Variants in BCL2 observed in about 807,000 individuals in gnomAD.
BCL2 encodes the protein apoptosis regulator Bcl-2.
BCL2 carries 1 observed loss-of-function variant against 14.2 expected under a neutral mutation model. That is an observed-to-expected ratio of 0.07 (90% confidence interval 0.02 to 0.33). The LOEUF is 0.33. Ranked by LOEUF, BCL2 falls within the 10% of genes least tolerant of loss-of-function variation. BCL2 has a pLI of 0.99. For synonymous variants in BCL2, 151 were observed against 137.2 expected, an observed-to-expected ratio of 1.10 and a Z score of -0.70; for missense variants, 247 against 305.9, an observed-to-expected ratio of 0.81 and a Z score of 1.44.
At chr18:63,169,163 T>C (rs566707784) in intron 2 of BCL2, among the ~76,000 whole-genome samples, 2 of 152,332 alleles carry the variant, frequency 1.3e-5, no homozygotes, top group Non-Finnish European at 2.9e-5. Flanking sequence ...ATCGATTCCA[T>C]GGAGGGCTTC....
At chr18:63,314,215 C>CT (rs1314344252) in intron 2 of BCL2, 2 of 152,198 alleles carry the variant, frequency 1.3e-5, no homozygotes, top group African/African-American at 4.8e-5. Flanking sequence ...AAGACTAGAT[C>CT]ATCTTCAAGC....
chr18:63,215,086 T>A (rs1910162235), intron 2 of BCL2, among the ~76,000 whole-genome samples: 1 of 152,204 alleles, frequency 6.6e-6, no homozygotes, highest in Non-Finnish European at 1.5e-5. Context: ...TAATGAATTC[T>A]CTTTTATATA....
chr18:63,173,517 G>A (rs6567327), intron 2 of BCL2, among the ~76,000 whole-genome samples: 44,655 of 152,062 alleles, frequency 0.29, 8,980 homozygotes, highest in African/African-American at 0.54. Flanking sequence ...AGCAGAATTC[G>A]GAAAGCGGAT....
intron 2 of BCL2, among the ~76,000 whole-genome samples, chr18:63,134,487 T>C (rs1914158016): frequency 6.6e-6 from 1 of 152,166 alleles, no homozygotes; most frequent in South Asian, 2.1e-4. Flanking sequence ...CTCAGACCAA[T>C]GCCTGCAATA....
chr18:63,205,697 A>G (rs1192561230), intron 2 of BCL2, among the ~76,000 whole-genome samples: 1 of 152,154 alleles, frequency 6.6e-6, no homozygotes, highest in African/African-American at 2.4e-5. Context: ...GGTCTAGAAA[A>G]AGAAAAGAAG....
Position 63,318,750 on chromosome 18 carries a change from T to C in BCL2, c.-84A>G. 1.3e-6 allele frequency: 2 copies of C among 1,569,504 alleles called. No individual in the cohort carries two copies. The highest frequency in any genetic ancestry group is 1.2e-5 in the South Asian group (1 of 86,808). On this transcript the variant is annotated 5_prime_UTR_variant, in exon 2 of 3. The change abolishes the stop of an existing upstream ORF in the 5' untranslated region. Transcript: ENST00000333681. The surrounding 1 kb of genome is among the most constrained non-coding windows in gnomAD (Gnocchi z 7.4). ...ACGGCCCCCAGAGAAAGAAGAGGAG[T>C]TATAATCCAGCTATTTTATTGGATG...
chr18:63,124,011 A>T lies in BCL2; in HGVS notation c.*4614T>A, dbSNP rs1913845100. Reference sequence around the variant, plus strand: ...GCAGAACAACCTTGTTGTTGATAGGATGTTTGCTTGAAGTTATTTTTCTGG... The same window carrying T: ...GCAGAACAACCTTGTTGTTGATAGGTTGTTTGCTTGAAGTTATTTTTCTGG... On this transcript the variant is annotated 3_prime_UTR_variant, in exon 3 of 3. Coordinates refer to ENST00000333681, the MANE Select transcript of BCL2 (RefSeq NM_000633.3). 1 of 221,262 alleles carries T rather than the reference A, an allele frequency of 4.5e-6. No individual in the cohort carries two copies. Among genetic ancestry groups the T allele is most frequent in the Non-Finnish European group, 9.0e-6 (1 of 110,756 alleles). The allele number at this position is 221,262 out of a possible 1,614,324, so 13.7% of individuals were successfully genotyped here.
chr18:63,212,670 T>A (rs1910069734), intron 2 of BCL2, among the ~76,000 whole-genome samples: 1 of 151,128 alleles, frequency 6.6e-6, no homozygotes, highest in Non-Finnish European at 1.5e-5. Flanking sequence ...AGGTCAGGAG[T>A]TCGAGAGCAG....
chr18:63,272,829 C>G (rs1034575000), intron 2 of BCL2, among the ~76,000 whole-genome samples: 4 of 152,180 alleles, frequency 2.6e-5, no homozygotes, highest in African/African-American at 7.2e-5. Flanking sequence ...CAATTCCCTT[C>G]TCTATCTGAG....
intron 2 of BCL2, among the ~76,000 whole-genome samples, chr18:63,157,064 A>G (rs540775681): frequency 6.6e-6 from 1 of 152,336 alleles, no homozygotes; most frequent in East Asian, 1.9e-4. Context: ...GCACAAATAA[A>G]CAATTAAGTT....
intron 2 of BCL2, among the ~76,000 whole-genome samples, chr18:63,289,549 A>C (rs1322679034): frequency 6.6e-6 from 1 of 152,100 alleles, no homozygotes; most frequent in Non-Finnish European, 1.5e-5. Flanking sequence ...AGATGGAGAG[A>C]GGAATTTGAA....
At chr18:63,185,708 C>T (rs1341560288) in intron 2 of BCL2, among the ~76,000 whole-genome samples, 1 of 152,194 alleles carries the variant, frequency 6.6e-6, no homozygotes, top group Non-Finnish European at 1.5e-5. Context: ...ATTATTTCGG[C>T]TTCACAACCC....
chr18:63,138,239 A>C (rs984561572), intron 2 of BCL2, among the ~76,000 whole-genome samples: 1 of 152,200 alleles, frequency 6.6e-6, no homozygotes, highest in Non-Finnish European at 1.5e-5. Context: ...GAGCACACGC[A>C]AGGAAGTGAG....
chr18:63,150,901 A>AT (rs1031295702), intron 2 of BCL2, among the ~76,000 whole-genome samples: 1 of 151,802 alleles, frequency 6.6e-6, no homozygotes, highest in African/African-American at 2.4e-5. Context: ...CTCCTGTCAT[A>AT]TTTTTCCTAG....
chr18:63,217,922 A>G (rs1001374472), intron 2 of BCL2, among the ~76,000 whole-genome samples: 1 of 152,214 alleles, frequency 6.6e-6, no homozygotes, highest in African/African-American at 2.4e-5. Flanking sequence ...TCCTTGTACT[A>G]CGAAGATGTG....
intron 2 of BCL2, among the ~76,000 whole-genome samples, chr18:63,178,106 T>C (rs755624489): frequency 2.0e-5 from 3 of 152,282 alleles, no homozygotes; most frequent in East Asian, 3.9e-4. Context: ...GATAAATCAG[T>C]TGGAGCCTGG....
intron 2 of BCL2, among the ~76,000 whole-genome samples, chr18:63,298,589 G>C (rs1912865611): frequency 6.6e-6 from 1 of 152,146 alleles, no homozygotes; most frequent in South Asian, 2.1e-4. Context: ...ACACAACAGA[G>C]AAGGACAAAG....
chr18:63,302,043 G>A (rs979598316), intron 2 of BCL2, among the ~76,000 whole-genome samples: 4 of 152,160 alleles, frequency 2.6e-5, no homozygotes, highest in African/African-American at 9.7e-5. Context: ...AAGAGAGGAG[G>A]CCAGGTGTGG....
At chr18:63,170,968 G>GTAAA (rs1294730833) in intron 2 of BCL2, among the ~76,000 whole-genome samples, 1 of 152,138 alleles carries the variant, frequency 6.6e-6, no homozygotes, top group African/African-American at 2.4e-5. Flanking sequence ...GGTATTCTTA[G>GTAAA]TAAATAGACT....
Sources: gnomAD v4.1 joint callset for allele counts (sites outside exome capture counted in the v4.1 genomes callset) on GRCh38, gnomAD v4.1.1 for gene constraint, Gnocchi (gnomAD v3.1) non-coding constraint, MANE v1.5 for transcripts, NCBI Gene and HGNC (gene_info 2026-07-23, HGNC 2026-07-21) for gene names.